The following COL3A1 variants were observed in gnomAD, a reference collection of about 807,000 sequenced individuals.
COL3A1 encodes collagen type III alpha 1 chain, also known as collagen alpha-1(III) chain.
In COL3A1, 46 loss-of-function variants were observed where a neutral mutation model predicts 200.9. The ratio of observed to expected loss-of-function variants is 0.23; its 90% CI spans 0.18 to 0.29. The LOEUF (loss-of-function observed/expected upper bound fraction) is 0.29, where lower values mean the gene tolerates loss of function less well. Ranked by LOEUF, COL3A1 falls within the 10% of genes least tolerant of loss-of-function variation. The pLI is 1.00. For missense variants in COL3A1, 1,367 were observed against 1,917.6 expected (o/e 0.71, Z 5.36); for synonymous variants, 650 against 628.0 (o/e 1.03, Z -0.52).
intron 10 of COL3A1, 96 bp downstream of exon 10, chr2:188,990,456 G>C: frequency 1.0e-6 from 1 of 953,616 alleles, no homozygotes; most frequent in East Asian, 2.5e-5. Context: ...CAAAAAATAT[G>C]ATTCTGACAA....
At chr2:189,001,352 G>A (rs757063827) in intron 32 of COL3A1, 45 bp from the exon 33 acceptor site, 75 of 1,565,602 alleles carry the variant, frequency 4.8e-5, no homozygotes, top group Middle Eastern at 3.7e-4. Flanking sequence ...TGCAAAAAAC[G>A]ATATTTGTAT....
At chr2:188,991,846 G>T in intron 13 of COL3A1, 124 bp downstream of exon 13, 1 of 930,402 alleles carries the variant, frequency 1.1e-6, no homozygotes, top group African/African-American at 1.6e-5. Context: ...TATACTCAAT[G>T]ATACTGTGAT....
At chr2:188,998,357 A>C in intron 28 of COL3A1, 38 bp downstream of exon 28, 1 of 1,536,334 alleles carries the variant, frequency 6.5e-7, no homozygotes, top group Non-Finnish European at 9.0e-7. Flanking sequence ...CAGAAACAAA[A>C]AGAATACACA....
chr2:188,975,320 C>A (rs572453256), intron 1 of COL3A1, among the ~76,000 whole-genome samples: 1 of 152,186 alleles, frequency 6.6e-6, no homozygotes, highest in African/African-American at 2.4e-5. Context: ...GGTAAAGATA[C>A]TAGTACTGTT....
chr2:188,996,027 A>G, intron 22 of COL3A1, 98 bp from the exon 23 acceptor site: 1 of 1,239,148 alleles, frequency 8.1e-7, no homozygotes, highest in Non-Finnish European at 1.2e-6. Context: ...CTGAGGCTTC[A>G]CATGTAAGTG....
In COL3A1 at chr2:188,994,967, A is replaced by G. The variant is rs1576465561; in HGVS notation, c.1456-79A>G. 6.4e-7 allele frequency: 1 copy of G among 1,565,510 alleles called. No individual in the cohort carries two copies. Among genetic ancestry groups the G allele is most frequent in the Non-Finnish European group, 8.8e-7 (1 of 1,135,980 alleles). ...TATTGTTTAAAGCATTCTATGACAT[A>G]AAAATATTTGCCACTCAAGAATTAT... On this transcript the variant is annotated intron_variant, in intron 20 of 50. Coordinates refer to ENST00000304636, the MANE Select transcript of COL3A1 (RefSeq NM_000090.4). This position sits in a 1 kb window ranked among gnomAD's most constrained non-coding sequence, Gnocchi z 4.5.
chr2:189,008,342 A>T, intron 47 of COL3A1, 200 bp downstream of exon 47: 4 of 599,400 alleles, frequency 6.7e-6, no homozygotes, highest in Non-Finnish European at 8.9e-6. Flanking sequence ...ATACCTTTTT[A>T]AAAATTTGAT....
chr2:188,998,342 A>G (rs781641630), intron 28 of COL3A1, 23 bp downstream of exon 28: 2 of 1,602,264 alleles, frequency 1.2e-6, no homozygotes, highest in South Asian at 2.2e-5. Flanking sequence ...TCATTATTCA[A>G]AACTCAGAAA....
Position 188,997,881 on chromosome 2 carries a change from C to G in COL3A1, c.1923+128C>G, listed in dbSNP as rs55634145. 675 of 850,650 alleles carry G rather than the reference C, an allele frequency of 7.9e-4. 2 individuals carry two copies. The highest frequency in any genetic ancestry group is 1.5e-3 in the Admixed American group (73 of 49,252). The allele number at this position is 850,650 out of a possible 1,614,324, so 52.7% of individuals were successfully genotyped here. ...TTTCATCTGGAAATAAAATTTTAGG[C>G]AATGTTAATAGGTAGGCATATCTTC... is the stretch of plus-strand genomic sequence containing the variant. On this transcript the variant is annotated intron_variant, in intron 27 of 50. Transcript: ENST00000304636.
chr2:188,995,467 G>A (rs1688284798), intron 21 of COL3A1, among the ~76,000 whole-genome samples: 1 of 152,200 alleles, frequency 6.6e-6, no homozygotes, highest in Non-Finnish European at 1.5e-5. Flanking sequence ...TTTAAGCACA[G>A]TGAATACTGT....
intron 16 of COL3A1, 32 bp downstream of exon 16, chr2:188,993,491 A>G (rs770951690): frequency 4.0e-5 from 57 of 1,439,200 alleles, no homozygotes; most frequent in Non-Finnish European, 5.3e-5. Flanking sequence ...GAGTAAGCAT[A>G]GTTTCATGCT....
chr2:189,003,140 T>C, intron 36 of COL3A1, 78 bp downstream of exon 36: 1 of 1,154,492 alleles, frequency 8.7e-7, no homozygotes, highest in Non-Finnish European at 1.3e-6. Flanking sequence ...TCTCCCTCTC[T>C]CTCTCCCTCT....
chr2:188,989,563 G>A (rs1346857538), intron 8 of COL3A1, 114 bp downstream of exon 8: 1 of 819,042 alleles, frequency 1.2e-6, no homozygotes, highest in African/African-American at 1.7e-5. Context: ...TCAAAATATT[G>A]TTGTCTTAAC....
At position 188,984,882 on chromosome 2, in the gene COL3A1, G is replaced by C; in HGVS notation, c.202G>C (p.Asp68His). The C allele has an allele frequency of 1.2e-6, 2 of 1,613,216 alleles. No homozygotes were observed. The highest frequency in any genetic ancestry group is 1.7e-6 in the Non-Finnish European group (2 of 1,179,432). Residue 68 changes from aspartate to histidine, a missense_variant, in exon 2 of 51, where the codon GAC becomes CAC. By Grantham distance (81) the Asp-to-His change is moderately conservative. This residue lies in a region of COL3A1 where 462 missense variants were observed against 681.4 expected (regional missense o/e 0.68). Transcript: ENST00000304636. ...CGTTCTCTGCGATGACATAATATGTGACGATCAAGAATTAGACTGCCCCAA... is the reference window on the plus strand; with the variant it reads ...CGTTCTCTGCGATGACATAATATGTCACGATCAAGAATTAGACTGCCCCAA... ...GSVLCDDIIC[D>H]DQELDCPNPE... is the part of the protein sequence containing the mutation.
rs62181728 is a variant in COL3A1, at chr2:188,996,270, G to A, written c.1662+92G>A. On this transcript the variant is annotated intron_variant, in intron 23 of 50. Transcript: ENST00000304636. ...CTTGAGTGTGTGTGTGTGTGTGTGT[G>A]TATATATATATATGTATATGTATAT... The A allele has an allele frequency of 0.22, 149,618 of 677,960 alleles. 9,849 individuals are homozygous for A. The highest frequency in any genetic ancestry group is 0.29 in the South Asian group (14,739 of 51,586). The allele number at this position is 677,960 out of a possible 1,614,324, so 42.0% of individuals were successfully genotyped here.
rs550611319 is a variant in COL3A1 at position 188,993,692 on chromosome 2, T to G, written c.1149+233T>G. 6.6e-5 allele frequency among the ~76,000 whole-genome samples: 10 copies of G among 152,314 alleles called. No homozygotes were observed. In the South Asian group the frequency reaches 2.1e-3, roughly 32 times the overall value. On this transcript the variant is annotated intron_variant, in intron 16 of 50. Transcript: ENST00000304636. ...GCACTATTCCAGAATTCATGATTTT[T>G]TATGTTTATATAAAAGAATAGAGGA...
At chr2:188,997,434 T>A in intron 26 of COL3A1, 45 bp downstream of exon 26, 1 of 1,568,604 alleles carries the variant, frequency 6.4e-7, no homozygotes, top group Non-Finnish European at 8.8e-7. Context: ...AGGGTGGAGG[T>A]GGGGCAGGAA....
rs1688252085 is a variant in COL3A1, at chr2:188,994,303, A to G, written c.1264A>G (p.Asn422Asp). The G allele has an allele frequency of 3.7e-6, 6 of 1,613,750 alleles. No homozygotes were observed. The highest frequency in any genetic ancestry group is 5.1e-6 in the Non-Finnish European group (6 of 1,179,982). Residue 422 changes from asparagine (N) to aspartate (D), a missense_variant, in exon 18 of 51, where the codon AAT becomes GAT. Asn to Asp is a conservative substitution (Grantham distance 23, BLOSUM62 1). Around this residue, in one of 5 missense-constraint regions of COL3A1, gnomAD observed 462 missense variants for 681.4 expected, o/e 0.68. Transcript: ENST00000304636. This position sits in a 1 kb window ranked among gnomAD's most constrained non-coding sequence, Gnocchi z 4.5. The stretch of plus-strand genomic sequence containing the variant: ...GGGTCCTCCAGGACCAGCCGGTGCT[A>G]ATGGTGCTCCTGGACTGCGAGGTGG... ...ARGPPGPAGA[N>D]GAPGLRGGAG...
chr2:189,011,826 C>A lies in COL3A1; in HGVS notation c.*52C>A, dbSNP rs774158928. 5 of 1,597,936 alleles carry A rather than the reference C, an allele frequency of 3.1e-6. No individual in the cohort carries two copies. In the South Asian group the frequency reaches 5.5e-5, roughly 18 times the overall value. On this transcript the variant is annotated 3_prime_UTR_variant, in exon 51 of 51. Transcript: ENST00000304636. ...AAAAAAATTTAACTCCATATGTGTTCCTCTTGTTCTAATCTTGTCAACCAG... is the reference window on the plus strand; with the variant it reads ...AAAAAAATTTAACTCCATATGTGTTACTCTTGTTCTAATCTTGTCAACCAG...
Sources: allele counts gnomAD v4.1 joint callset (sites outside exome capture counted in the v4.1 genomes callset), GRCh38; gene constraint gnomAD v4.1.1; regional missense constraint gnomAD v4.1.1; non-coding constraint Gnocchi (gnomAD v3.1); transcripts MANE v1.5; gene names NCBI Gene and HGNC (gene_info 2026-07-23, HGNC 2026-07-21).